KIF16B: variants seen among roughly 807,000 people sequenced by gnomAD.
KIF16B encodes kinesin-like protein KIF16B.
KIF16B carries 98 observed loss-of-function variants against 156.3 expected under a neutral mutation model. The observed-to-expected ratio is 0.63, with a 90% CI of 0.53 to 0.74. The LOEUF (loss-of-function observed/expected upper bound fraction) is 0.74. Ranked by LOEUF, KIF16B falls within the 30% of genes least tolerant of loss-of-function variation. The pLI, the probability that KIF16B is intolerant of heterozygous loss-of-function variation, is 0.00. For synonymous variants in KIF16B, 564 were observed against 583.7 expected (o/e 0.97, Z 0.49); for missense variants, 1,421 against 1,606.5 (o/e 0.88, Z 1.97).
intron 3 of KIF16B, among the ~76,000 whole-genome samples, chr20:16,520,126 G>GTT (rs201085118): frequency 4.1e-5 from 6 of 145,254 alleles, no homozygotes; most frequent in African/African-American, 5.1e-5. Context: ...AGCTGCAGGA[G>GTT]TTTTTTTTTT....
chr20:16,391,802 A>G (rs1178358049), intron 17 of KIF16B, among the ~76,000 whole-genome samples: 1 of 152,188 alleles, frequency 6.6e-6, no homozygotes, highest in Admixed American at 6.5e-5. Flanking sequence ...CAGAGGGCAG[A>G]GGTTGTCTCC....
chr20:16,464,893 C>G (rs2067444504), intron 12 of KIF16B, among the ~76,000 whole-genome samples: 1 of 152,122 alleles, frequency 6.6e-6, no homozygotes, highest in Non-Finnish European at 1.5e-5. Context: ...CTCTGAGAAC[C>G]TGTCCAAGCT....
At chr20:16,436,705 C>T (rs954699274) in intron 12 of KIF16B, among the ~76,000 whole-genome samples, 2 of 152,198 alleles carry the variant, frequency 1.3e-5, no homozygotes, top group African/African-American at 2.4e-5. Context: ...TAGTGACTTA[C>T]AGCAGTATTG....
chr20:16,570,029 C>T (rs1235826008), intron 1 of KIF16B, among the ~76,000 whole-genome samples: 1 of 152,076 alleles, frequency 6.6e-6, no homozygotes, highest in Non-Finnish European at 1.5e-5. Context: ...CACAACTTTA[C>T]TCCACTGTGG....
chr20:16,535,588 T>G (rs2069928292), intron 1 of KIF16B, among the ~76,000 whole-genome samples: 1 of 152,144 alleles, frequency 6.6e-6, no homozygotes, highest in Non-Finnish European at 1.5e-5. Flanking sequence ...GAAAAAAAAT[T>G]CACCTTTTCC....
At chr20:16,450,938 A>G (rs1361100861) in intron 12 of KIF16B, among the ~76,000 whole-genome samples, 1 of 152,220 alleles carries the variant, frequency 6.6e-6, no homozygotes, top group East Asian at 1.9e-4. Context: ...AGACTGTCAC[A>G]ATTTGTTTTA....
chr20:16,367,426 T>A (rs777522576), intron 22 of KIF16B: 2 of 1,612,822 alleles, frequency 1.2e-6, no homozygotes, highest in East Asian at 4.5e-5. Flanking sequence ...TTTGATCACA[T>A]CAAATTGTGC....
intron 23 of KIF16B, among the ~76,000 whole-genome samples, chr20:16,354,751 C>T (rs2064404022): frequency 6.6e-6 from 1 of 152,186 alleles, no homozygotes; most frequent in Admixed American, 6.5e-5. Flanking sequence ...GGAGACCATC[C>T]TGGCTAACAC....
chr20:16,554,876 C>T (rs548238797), intron 1 of KIF16B, among the ~76,000 whole-genome samples: 1 of 152,366 alleles, frequency 6.6e-6, no homozygotes, highest in East Asian at 1.9e-4. Flanking sequence ...AGCTGGCGCC[C>T]ATGCCAGCAC....
chr20:16,413,731 C>A (rs2066015722), intron 15 of KIF16B, among the ~76,000 whole-genome samples: 1 of 148,896 alleles, frequency 6.7e-6, no homozygotes, highest in South Asian at 2.2e-4. Context: ...AAACATACCC[C>A]CCGCCCTCCA....
At position 16,282,883 on chromosome 20, in the gene KIF16B, C is replaced by T. The variant is rs527541425; in HGVS notation, c.3796-9472G>A. On this transcript the variant is annotated intron_variant, in intron 25 of 25. Transcript: ENST00000354981. ...GTCTCTTCCAGCTGCCATACACAAT[C>T]GTTGGTCAAATGATGCTTATGATGC... Among the ~76,000 whole-genome samples, 474 of 152,290 alleles carry T rather than the reference C, an allele frequency of 3.1e-3. 2 individuals are homozygous for T. The highest frequency in any genetic ancestry group is 5.2e-3 in the Non-Finnish European group (356 of 68,032).
chr20:16,297,780 G>A (rs1034722967), intron 25 of KIF16B, among the ~76,000 whole-genome samples: 4 of 151,616 alleles, frequency 2.6e-5, no homozygotes, highest in African/African-American at 4.8e-5. Context: ...GTCTCATTCA[G>A]TTGAACGACA....
At chr20:16,561,827 T>G (rs186463057) in intron 1 of KIF16B, among the ~76,000 whole-genome samples, 1 of 152,294 alleles carries the variant, frequency 6.6e-6, no homozygotes, top group African/African-American at 2.4e-5. Context: ...TGAGAACCAT[T>G]CTAAAAAATA....
intron 15 of KIF16B, among the ~76,000 whole-genome samples, chr20:16,413,319 A>G (rs774551462): frequency 8.5e-5 from 13 of 152,170 alleles, no homozygotes; most frequent in African/African-American, 2.9e-4. Flanking sequence ...CTGGTTTCAC[A>G]TGAGACTCTC....
chr20:16,547,651 T>C lies in KIF16B; in HGVS notation c.48-19211A>G, dbSNP rs6135790. Among the ~76,000 whole-genome samples, 502 of 151,936 alleles carry C rather than the reference T, an allele frequency of 3.3e-3. 7 individuals are homozygous for C. The highest frequency in any genetic ancestry group is 0.022 in the East Asian group (114 of 5,160). ...TGCTGCTCAGACACAGAGAATGCTA[T>C]TCCCCACCTGCACTTTCTGAGGAGC... On this transcript the variant is annotated intron_variant, in intron 1 of 25. Coordinates refer to ENST00000354981, the MANE Select transcript of KIF16B (RefSeq NM_024704.5).
At chr20:16,311,822 AAAC>A (rs1371193079) in intron 25 of KIF16B, among the ~76,000 whole-genome samples, 4 of 152,348 alleles carry the variant, frequency 2.6e-5, no homozygotes, top group South Asian at 4.1e-4. Context: ...GCAGTCAGAA[AAAC>A]AACACTTGTG....
rs1275973799 is a variant in KIF16B, at chr20:16,380,113, A to G, written c.1889T>C (p.Leu630Pro). 6.6e-7 allele frequency: 1 copy of G among 1,520,846 alleles called. No individual in the cohort carries two copies. The highest frequency in any genetic ancestry group is 8.8e-7 in the Non-Finnish European group (1 of 1,139,266). The allele number at this position is 1,520,846 out of a possible 1,614,324, so 94.2% of individuals were successfully genotyped here. ...EEKQKSDKAELERMQQEVETQ... is the reference protein window; with the variant it reads ...EEKQKSDKAEPERMQQEVETQ... ...CTCCACCTCCTGCTGCATCCGCTCC[A>G]GTTCAGCCTTGTCTGATTTCTGCTT... Residue 630 changes from leucine to proline, a missense_variant, in exon 19 of 26, where the codon CTG (leucine) becomes CCG (proline). Coordinates refer to ENST00000354981, the MANE Select transcript of KIF16B (RefSeq NM_024704.5).
chr20:16,341,144 T>C (rs1568865601), intron 23 of KIF16B, among the ~76,000 whole-genome samples: 1 of 152,192 alleles, frequency 6.6e-6, no homozygotes, highest in Non-Finnish European at 1.5e-5. Context: ...CTTTTCTATG[T>C]ACAGTTAAAT....
intron 25 of KIF16B, among the ~76,000 whole-genome samples, chr20:16,297,219 A>G (rs1257107060): frequency 2.0e-5 from 3 of 152,216 alleles, no homozygotes; most frequent in Non-Finnish European, 4.4e-5. Context: ...CACATGAATC[A>G]GGTCTCTCCC....
Sources: allele counts gnomAD v4.1 joint callset (sites outside exome capture counted in the v4.1 genomes callset), GRCh38; gene constraint gnomAD v4.1.1; transcripts MANE v1.5; gene names NCBI Gene and HGNC (gene_info 2026-07-23, HGNC 2026-07-21).